Variants in HTR4 observed in about 807,000 individuals in gnomAD.
The protein encoded by HTR4 is 5-hydroxytryptamine receptor 4, also known as 5-hydroxytryptamine (serotonin) receptor 4, G protein-coupled.
A neutral mutation model predicts 36.8 loss-of-function variants in HTR4; 16 were observed. The ratio of observed to expected loss-of-function variants is 0.43; its 90% CI spans 0.29 to 0.66. HTR4 has a LOEUF of 0.66. HTR4 is among the 30% of genes least tolerant of loss of function. The pLI is 0.13. For synonymous variants in HTR4, 189 were observed against 185.1 expected, an observed-to-expected ratio of 1.02 and a Z score of -0.17; for missense variants, 438 against 490.9, an observed-to-expected ratio of 0.89 and a Z score of 1.02.
At chr5:148,524,784 A>G (rs746554153) in intron 4 of HTR4, among the ~76,000 whole-genome samples, 9 of 152,146 alleles carry the variant, frequency 5.9e-5, no homozygotes, top group Non-Finnish European at 1.2e-4. Context: ...CACTTTGTTA[A>G]TTTTTCCCAC....
intron 4 of HTR4, among the ~76,000 whole-genome samples, chr5:148,543,438 G>A (rs185079238): frequency 5.3e-5 from 8 of 152,278 alleles, no homozygotes; most frequent in Non-Finnish European, 1.0e-4. Context: ...ATTATCTGCC[G>A]CATGCTGCTG....
chr5:148,543,794 A>T (rs1315143928), intron 4 of HTR4, among the ~76,000 whole-genome samples: 3 of 152,092 alleles, frequency 2.0e-5, no homozygotes, highest in Admixed American at 6.6e-5. Context: ...AACAGGGAGG[A>T]GGTTAACCAA....
chr5:148,537,555 T>G (rs1309527318), intron 4 of HTR4, among the ~76,000 whole-genome samples: 2 of 152,078 alleles, frequency 1.3e-5, no homozygotes, highest in Non-Finnish European at 2.9e-5. Context: ...ACAAAGAGGA[T>G]GCTACCACTG....
rs1300476388 is a variant in HTR4, at chr5:148,557,779, TAATATATATATTAGGAATATATA to T, written c.27-7540_27-7518del. Among the ~76,000 whole-genome samples the T allele has an allele frequency of 5.3e-4, 78 of 148,176 alleles. 1 individual carries two copies. The highest frequency in any genetic ancestry group is 1.1e-3 in the Non-Finnish European group (71 of 67,288). On this transcript the variant is annotated intron_variant, in intron 2 of 6. Coordinates refer to ENST00000377888, the MANE Select transcript of HTR4 (RefSeq NM_000870.7). ...TAATACATATATATAATATATTATA[TAATATATATATTAGGAATATATA>T]AATATATATATTCTTGATACTTCCC...
intron 4 of HTR4, among the ~76,000 whole-genome samples, chr5:148,539,703 TTGAAAAGTCAAAAAATGACACATGC>T (rs960840125): frequency 1.3e-5 from 2 of 152,178 alleles, no homozygotes; most frequent in African/African-American, 4.8e-5. Context: ...ATGGCTATTA[TTGAAAAGTCAAAAAATGACACATGC>T]TGGCGAAGTT....
chr5:148,531,159 C>T (rs1019995144), intron 4 of HTR4, among the ~76,000 whole-genome samples: 2 of 152,042 alleles, frequency 1.3e-5, no homozygotes, highest in African/African-American at 2.4e-5. Flanking sequence ...TTTTGAGGGA[C>T]TGTTGGGAAG....
intron 5 of HTR4, among the ~76,000 whole-genome samples, chr5:148,466,115 C>T (rs191317929): frequency 6.6e-5 from 10 of 152,206 alleles, no homozygotes; most frequent in Non-Finnish European, 1.2e-4. Flanking sequence ...CATGGTTATG[C>T]CACAGTGTAC....
rs1755972856 is a variant in HTR4, at chr5:148,483,190, T to C, written c.*13A>G. Reference sequence around the variant, plus strand: ...GGAGGCATGGCTGTCTTCTGGGTCATTGTCCCAGGGGCCTAAGTGTCACTG... The same window carrying C: ...GGAGGCATGGCTGTCTTCTGGGTCACTGTCCCAGGGGCCTAAGTGTCACTG... On this transcript the variant is annotated 3_prime_UTR_variant, in exon 7 of 7. Transcript: ENST00000377888. 1 of 1,613,938 alleles carries C rather than the reference T, an allele frequency of 6.2e-7. No homozygotes were observed. The highest frequency in any genetic ancestry group is 8.5e-7 in the Non-Finnish European group (1 of 1,179,878).
chr5:148,610,903 G>A (rs1034098809), intron 2 of HTR4, among the ~76,000 whole-genome samples: 138 of 149,172 alleles, frequency 9.3e-4, no homozygotes, highest in African/African-American at 3.4e-3. Context: ...GAGCCGATGC[G>A]ATCAACTGGA....
At chr5:148,548,906 G>A in intron 3 of HTR4, 38 bp from the exon 4 acceptor site, 1 of 1,457,674 alleles carries the variant, frequency 6.9e-7, no homozygotes, top group Non-Finnish European at 9.6e-7. Flanking sequence ...GGCAGGGGGA[G>A]GGATGAAGGG....
intron 2 of HTR4, among the ~76,000 whole-genome samples, chr5:148,587,205 A>T (rs928630748): frequency 6.6e-6 from 1 of 152,202 alleles, no homozygotes; most frequent in African/African-American, 2.4e-5. Flanking sequence ...ACCCAGGGCT[A>T]ATTTTGTTGC....
At chr5:148,537,802 T>C (rs996061155) in intron 4 of HTR4, among the ~76,000 whole-genome samples, 3 of 152,090 alleles carry the variant, frequency 2.0e-5, no homozygotes, top group African/African-American at 7.2e-5. Context: ...TTCCACCAGA[T>C]GTACAAAGAA....
intron 4 of HTR4, among the ~76,000 whole-genome samples, chr5:148,531,263 T>C (rs1758551959): frequency 1.3e-5 from 2 of 152,134 alleles, no homozygotes; most frequent in African/African-American, 4.8e-5. Flanking sequence ...AAACCTCGTA[T>C]TGCGGCTCCC....
intron 1 of HTR4, among the ~76,000 whole-genome samples, chr5:148,650,661 TTC>T (rs1754008318): frequency 6.6e-6 from 1 of 152,116 alleles, no homozygotes; most frequent in African/African-American, 2.4e-5. Context: ...AAAGGTATAA[TTC>T]ACTGTTCCTT....
At chr5:148,463,619 G>A (rs1027422229) in intron 5 of HTR4, among the ~76,000 whole-genome samples, 1 of 151,954 alleles carries the variant, frequency 6.6e-6, no homozygotes, top group African/African-American at 2.4e-5. Context: ...GGATAGAAAG[G>A]CTAAATATTG....
chr5:148,553,674 T>G (rs929263078), intron 2 of HTR4, among the ~76,000 whole-genome samples: 2 of 152,200 alleles, frequency 1.3e-5, no homozygotes, highest in Non-Finnish European at 2.9e-5. Context: ...AGATACTAAT[T>G]TGCACTCATT....
Position 148,542,001 on chromosome 5 carries a change from T to G in HTR4, c.353+6667A>C, listed in dbSNP as rs561616871. On this transcript the variant is annotated intron_variant, in intron 4 of 6. Transcript: ENST00000377888. ...CTTATAGTATTCAATGGTCACCAATTTTACTGTAATTATCTGTTTACTGTC... is the reference window on the plus strand; with the variant it reads ...CTTATAGTATTCAATGGTCACCAATGTTACTGTAATTATCTGTTTACTGTC... 2.6e-5 allele frequency among the ~76,000 whole-genome samples: 4 copies of G among 152,278 alleles called. No individual in the cohort carries two copies. The South Asian group carries it at 8.3e-4, about 32-fold the overall frequency.
At chr5:148,465,804 A>G in intron 5 of HTR4, 1 of 1,581,006 alleles carries the variant, frequency 6.3e-7, no homozygotes, top group Non-Finnish European at 8.6e-7. Context: ...TAAAGAAATA[A>G]ATAGGCAGAC....
intron 4 of HTR4, among the ~76,000 whole-genome samples, chr5:148,539,524 A>G (rs1214798678): frequency 6.6e-6 from 1 of 152,210 alleles, no homozygotes; most frequent in Admixed American, 6.5e-5. Flanking sequence ...AATTTACAAT[A>G]AAAAAGTCAA....
Sources: allele counts gnomAD v4.1 joint callset (sites outside exome capture counted in the v4.1 genomes callset), GRCh38; gene constraint gnomAD v4.1.1; transcripts MANE v1.5; gene names NCBI Gene and HGNC (gene_info 2026-07-23, HGNC 2026-07-21).